Variants in DMD observed in about 807,000 individuals in gnomAD.
The protein encoded by DMD is dystrophin.
Under a neutral mutation model 330.1 loss-of-function variants are expected in DMD, and 63 were observed. That is an observed-to-expected ratio of 0.19 (90% CI 0.16 to 0.24). The LOEUF (loss-of-function observed/expected upper bound fraction) is 0.24. Among genes scored for constraint, DMD ranks in the 10% least tolerant of loss-of-function variants. The pLI is 1.00. For synonymous variants in DMD, 1,223 were observed against 959.8 expected (o/e 1.27, Z -5.07); for missense variants, 3,344 against 2,684.1 (o/e 1.25, Z -5.43).
chrX:31,689,899 G>C (rs930222524), intron 52 of DMD, among the ~76,000 whole-genome samples: 3 of 111,396 alleles, frequency 2.7e-5, no homozygotes, highest in African/African-American at 9.8e-5. Flanking sequence ...AATGGTGCTG[G>C]GAAAACTGGC....
intron 4 of DMD, among the ~76,000 whole-genome samples, chrX:32,842,429 C>T (rs994256270): frequency 8.9e-6 from 1 of 112,102 alleles, no homozygotes; most frequent in African/African-American, 3.2e-5. Flanking sequence ...AACCCACACA[C>T]CCCTGGGTGG....
intron 11 of DMD, among the ~76,000 whole-genome samples, chrX:32,639,676 G>C (rs1174638265): frequency 8.9e-6 from 1 of 112,229 alleles, no homozygotes; most frequent in East Asian, 2.8e-4. Context: ...TCAAATGAGA[G>C]TGTGGTTATG....
chrX:32,438,218 A>G, intron 29 of DMD, 23 bp downstream of exon 29: 1 of 1,207,518 alleles, frequency 8.3e-7, no homozygotes, highest in Non-Finnish European at 1.1e-6. Flanking sequence ...TAGATTAAAG[A>G]GATTTTTCAC....
intron 17 of DMD, among the ~76,000 whole-genome samples, chrX:32,529,536 C>T (rs1416862510): frequency 1.9e-5 from 2 of 107,197 alleles, no homozygotes; most frequent in Non-Finnish European, 3.8e-5. Flanking sequence ...TAGGATTAGG[C>T]AAAATCAACT....
At chrX:31,886,449 A>G (rs1032331773) in intron 47 of DMD, among the ~76,000 whole-genome samples, 2 of 111,922 alleles carry the variant, frequency 1.8e-5, no homozygotes, top group Non-Finnish European at 3.8e-5. Flanking sequence ...CATTCTCACA[A>G]ATCAGTAGAA....
chrX:31,741,271 C>A (rs1029052183), intron 51 of DMD, among the ~76,000 whole-genome samples: 12 of 111,906 alleles, frequency 1.1e-4, no homozygotes, highest in Non-Finnish European at 2.3e-4. Context: ...TTGACCTCCT[C>A]CCCTCAATCA....
intron 18 of DMD, among the ~76,000 whole-genome samples, chrX:32,511,524 GAAAAAAAAAA>G (rs67754841): frequency 1.9e-3 from 97 of 49,791 alleles, no homozygotes; most frequent in African/African-American, 5.8e-3. Context: ...TCCGTCTCGG[GAAAAAAAAAA>G]AAAAAAAAAA....
At chrX:32,803,299 G>C (rs2076714015) in intron 7 of DMD, among the ~76,000 whole-genome samples, 1 of 111,145 alleles carries the variant, frequency 9.0e-6, no homozygotes, top group African/African-American at 3.3e-5. Flanking sequence ...TATTTCTGTG[G>C]GATCAGTGGT....
chrX:31,505,777 G>A (rs955164461), intron 56 of DMD, among the ~76,000 whole-genome samples: 1 of 111,027 alleles, frequency 9.0e-6, no homozygotes, highest in Non-Finnish European at 1.9e-5. Context: ...GGGACTACAG[G>A]CGCGTGCCAC....
In DMD at chrX:31,120,787, C is replaced by T. The variant is rs1456700674; in HGVS notation, c.*1132G>A. On this transcript the variant is annotated 3_prime_UTR_variant, in exon 79 of 79. Coordinates refer to ENST00000357033, the MANE Select transcript of DMD (RefSeq NM_004006.3). The stretch of plus-strand genomic sequence containing the variant: ...AAATACCTTCTGATGTTCACAAGGT[C>T]AGAATACCTTCTGATTGATTTCCAC... The T allele has an allele frequency of 2.7e-5, 3 of 110,467 alleles. No individual in the cohort carries two copies. The highest frequency in any genetic ancestry group is 6.6e-5 in the African/African-American group (2 of 30,326). 9.1% of individuals were successfully genotyped at this position (110,467 alleles called of 1,213,427 possible). A position where few individuals can be genotyped will look rare whatever the true frequency, so the allele number is the denominator to read the frequency against.
chrX:32,163,061 C>G (rs190124321), intron 44 of DMD, among the ~76,000 whole-genome samples: 1 of 111,475 alleles, frequency 9.0e-6, no homozygotes, highest in Non-Finnish European at 1.9e-5. Flanking sequence ...CCTAACAATT[C>G]CAAAACAAAA....
chrX:31,295,211 G>C (rs1179737160), intron 62 of DMD, among the ~76,000 whole-genome samples: 1 of 110,167 alleles, frequency 9.1e-6, no homozygotes, highest in Non-Finnish European at 1.9e-5. Context: ...TAGCCAGGAT[G>C]ATCTCGATCT....
chrX:31,206,961 A>C (rs886873050), intron 65 of DMD, among the ~76,000 whole-genome samples: 4 of 27,708 alleles, frequency 1.4e-4, no homozygotes, highest in Non-Finnish European at 3.9e-4. Context: ...TACATAAATT[A>C]AGAAAAAAAA....
intron 2 of DMD, among the ~76,000 whole-genome samples, chrX:32,870,009 G>A (rs751853022): frequency 1.8e-5 from 2 of 111,157 alleles, no homozygotes; most frequent in African/African-American, 6.5e-5. Flanking sequence ...TAGGAAGAGA[G>A]GAAGTCAAAC....
Position 32,697,861 on chromosome X carries a change from T to C in DMD, c.960+9A>G, listed in dbSNP as rs886038537. On this transcript the variant is annotated intron_variant, in intron 9 of 78. Transcript: ENST00000357033. ...TGGTTTGTACAACAGAGAGTAAATG[T>C]TGACAGACCTGTGAAGGAAATGGGC... 2.8e-5 allele frequency: 34 copies of C among 1,208,413 alleles called. No individual in the cohort carries two copies. Among genetic ancestry groups the C allele is most frequent in the African/African-American group, 1.6e-4 (9 of 56,964 alleles).
At chrX:32,229,224 T>G (rs1455516833) in intron 43 of DMD, among the ~76,000 whole-genome samples, 1 of 111,073 alleles carries the variant, frequency 9.0e-6, no homozygotes. Flanking sequence ...TACACTCACG[T>G]GTTTCTGATC....
chrX:31,881,644 G>T (rs753876951), intron 47 of DMD, among the ~76,000 whole-genome samples: 2 of 111,496 alleles, frequency 1.8e-5, no homozygotes, highest in African/African-American at 6.5e-5. Context: ...CATTTTCTGT[G>T]TCTAGATACA....
At chrX:31,419,927 C>A (rs935117931) in intron 60 of DMD, among the ~76,000 whole-genome samples, 3 of 111,626 alleles carry the variant, frequency 2.7e-5, no homozygotes, top group Admixed American at 9.5e-5. Context: ...ATAGTTCTAC[C>A]TTTTCTCATT....
chrX:32,651,400 C>A (rs1054480249), intron 9 of DMD, among the ~76,000 whole-genome samples: 1 of 111,832 alleles, frequency 8.9e-6, no homozygotes, highest in South Asian at 3.7e-4. Context: ...ACCTCAGCCT[C>A]CCAAAGTGCT....
Sources: allele counts gnomAD v4.1 joint callset (sites outside exome capture counted in the v4.1 genomes callset), GRCh38; gene constraint gnomAD v4.1.1; transcripts MANE v1.5; gene names NCBI Gene and HGNC (gene_info 2026-07-23, HGNC 2026-07-21).